Variants in MYOF observed in about 807,000 individuals in gnomAD.
MYOF encodes myoferlin, also known as fer-1-like 3, myoferlin.
MYOF carries 244 observed loss-of-function variants against 284.2 expected under a neutral mutation model. The observed-to-expected ratio is 0.86, with a 90% CI of 0.77 to 0.95. The LOEUF (loss-of-function observed/expected upper bound fraction) is 0.95. MYOF is among the 40% of genes least tolerant of loss of function. The probability of loss-of-function intolerance (pLI) is 0.00; values close to 1 mark genes in which losing one functional copy is unlikely to be tolerated. For missense variants in MYOF, 2,496 were observed against 2,560.6 expected, an observed-to-expected ratio of 0.97 and a Z score of 0.54; for synonymous variants, 904 against 919.7, an observed-to-expected ratio of 0.98 and a Z score of 0.31.
intron 5 of MYOF, among the ~76,000 whole-genome samples, chr10:93,423,650 G>A (rs1477801479): frequency 1.3e-5 from 2 of 150,800 alleles, no homozygotes; most frequent in South Asian, 2.1e-4. Context: ...TGGCTAACAC[G>A]GTGAAACCCT....
chr10:93,408,673 T>C (rs747325477), intron 7 of MYOF, 114 bp downstream of exon 7: 1 of 1,418,652 alleles, frequency 7.0e-7, no homozygotes, highest in Non-Finnish European at 9.7e-7. Context: ...CACCTAGTTT[T>C]GTTCCTGTGA....
intron 9 of MYOF, among the ~76,000 whole-genome samples, chr10:93,403,577 C>G (rs978646448): frequency 6.6e-6 from 1 of 152,170 alleles, no homozygotes; most frequent in Non-Finnish European, 1.5e-5. Flanking sequence ...AGAAGCCAAC[C>G]AAGTATTTGT....
At chr10:93,457,135 C>T (rs895251803) in intron 1 of MYOF, among the ~76,000 whole-genome samples, 198 bp from the exon 2 acceptor site, 1 of 152,204 alleles carries the variant, frequency 6.6e-6, no homozygotes, top group African/African-American at 2.4e-5. Flanking sequence ...GTTTTCCCAT[C>T]TCCAGGTCTA....
intron 30 of MYOF, 85 bp from the exon 31 acceptor site, chr10:93,355,821 A>C: frequency 4.4e-6 from 4 of 918,138 alleles, no homozygotes; most frequent in South Asian, 1.6e-5. Flanking sequence ...GGCAAGAATA[A>C]CAAATGGAAT....
chr10:93,392,810 G>C, intron 17 of MYOF, 107 bp downstream of exon 17: 1 of 1,024,642 alleles, frequency 9.8e-7, no homozygotes, highest in South Asian at 1.4e-5. Flanking sequence ...AAACTATGTT[G>C]AGACAGCAAA....
chr10:93,311,828 A>G (rs1205580335), intron 51 of MYOF, among the ~76,000 whole-genome samples: 2 of 152,180 alleles, frequency 1.3e-5, no homozygotes, highest in Non-Finnish European at 2.9e-5. Context: ...TGGAATCGCT[A>G]AAGTGGGGAC....
rs1057018762 is a variant in MYOF, at chr10:93,360,072, C to T, written c.2975-94G>A. 1.8e-5 allele frequency: 26 copies of T among 1,455,256 alleles called. No homozygotes were observed. The South Asian group carries it at 3.0e-4, about 17-fold the overall frequency. 90.1% of individuals were successfully genotyped at this position (1,455,256 alleles called of 1,614,324 possible). Reference sequence around the variant, plus strand: ...GAAACATTTGTTCACTCTCCCTGCCCTCAGATGTTCTGTACTATCATGACC... The same window carrying T: ...GAAACATTTGTTCACTCTCCCTGCCTTCAGATGTTCTGTACTATCATGACC... On this transcript the variant is annotated intron_variant, in intron 28 of 53. Transcript: ENST00000359263.
rs750862119 is a variant in MYOF at position 93,325,946 on chromosome 10, G to A, written c.5151C>T (p.His1717=). Residue 1717 remains histidine (H), a synonymous_variant, in exon 46 of 54, where the codon CAC becomes CAT. Coordinates refer to ENST00000359263, the MANE Select transcript of MYOF (RefSeq NM_013451.4). ...GCTCTTCAGGGGCCCCGAGGTGCTGGTGCAGGATTTTGTTGGCTTCTGCAA... is the reference window on the plus strand; with the variant it reads ...GCTCTTCAGGGGCCCCGAGGTGCTGATGCAGGATTTTGTTGGCTTCTGCAA... ...LDEFEANKIL[H]QHLGAPEERL... is the part of the protein sequence containing the mutation. 16 of 1,613,986 alleles carry A rather than the reference G, an allele frequency of 9.9e-6. No individual in the cohort carries two copies. The highest frequency in any genetic ancestry group is 1.4e-5 in the Non-Finnish European group (16 of 1,180,006).
In MYOF at chr10:93,456,873, T is replaced by C. The variant is rs1218371643; in HGVS notation, c.144+9A>G. 3 of 1,597,158 alleles carry C rather than the reference T, an allele frequency of 1.9e-6. No homozygotes were observed. The highest frequency in any genetic ancestry group is 1.7e-5 in the Admixed American group (1 of 57,972). ...TATTAAAACAAAGTTGAAAAAACAA[T>C]GAAGTCACCTCATTCCAGACAGGGT... On this transcript the variant is annotated intron_variant, in intron 2 of 53. Transcript: ENST00000359263.
intron 19 of MYOF, among the ~76,000 whole-genome samples, chr10:93,384,763 ATAAAG>A (rs1264863921): frequency 1.3e-5 from 2 of 152,150 alleles, no homozygotes; most frequent in Admixed American, 6.5e-5. Context: ...ATAAGGTGGT[ATAAAG>A]TAGAGTTTCA....
chr10:93,398,764 G>A (rs760882925), intron 13 of MYOF, among the ~76,000 whole-genome samples: 8 of 152,234 alleles, frequency 5.3e-5, no homozygotes, highest in Admixed American at 3.9e-4. Context: ...TATATGGTTC[G>A]AACACATAAA....
At position 93,329,814 on chromosome 10, in the gene MYOF, T is replaced by C. The variant is rs755157148; in HGVS notation, c.4832A>G (p.Tyr1611Cys). 1.9e-5 allele frequency: 30 copies of C among 1,614,094 alleles called. 1 individual carries two copies. The South Asian group carries it at 3.0e-4, about 16-fold the overall frequency. ...VFGRMYELSC[Y>C]LPQEKDLKIS... ...TTTCAGGTCTTTTTCTTGAGGTAAG[T>C]AGCAGCTCAGTTCGTACATCCTAAA... Residue 1611 changes from tyrosine to cysteine, a missense_variant, in exon 44 of 54, where the codon TAC becomes TGC. By Grantham distance (194) the Tyr-to-Cys change is radical (BLOSUM62 -2). This residue lies in a region of MYOF where 2,436 missense variants were observed against 2,480.7 expected (regional missense o/e 0.98). Transcript: ENST00000359263.
intron 3 of MYOF, among the ~76,000 whole-genome samples, chr10:93,444,130 C>T (rs752555336): frequency 5.9e-5 from 9 of 152,164 alleles, no homozygotes; most frequent in African/African-American, 2.2e-4. Context: ...TTCAGAGAGC[C>T]GAGGTGGACA....
chr10:93,393,126 T>C (rs987461364), intron 16 of MYOF, among the ~76,000 whole-genome samples, 171 bp from the exon 17 acceptor site: 4 of 152,122 alleles, frequency 2.6e-5, no homozygotes, highest in Non-Finnish European at 4.4e-5. Context: ...ACAATTCTCA[T>C]CGGTTAAATG....
At chr10:93,452,255 A>G (rs2056613920) in intron 2 of MYOF, 114 bp from the exon 3 acceptor site, 9 of 756,348 alleles carry the variant, frequency 1.2e-5, no homozygotes, top group Middle Eastern at 2.9e-4. Flanking sequence ...ACCAATGACA[A>G]TCTTTTGAAG....
chr10:93,446,192 C>A (rs1414974521), intron 3 of MYOF, among the ~76,000 whole-genome samples: 1 of 151,438 alleles, frequency 6.6e-6, no homozygotes, highest in Non-Finnish European at 1.5e-5. Flanking sequence ...ACAGAGCTGA[C>A]GCAGGGTCGG....
chr10:93,442,740 G>T (rs2056306320), intron 3 of MYOF, among the ~76,000 whole-genome samples: 1 of 152,174 alleles, frequency 6.6e-6, no homozygotes, highest in Admixed American at 6.5e-5. Context: ...GATAATTATG[G>T]TCACTTTATT....
chr10:93,429,239 C>T (rs899035942), intron 4 of MYOF, among the ~76,000 whole-genome samples: 2 of 152,206 alleles, frequency 1.3e-5, no homozygotes, highest in Admixed American at 6.5e-5. Context: ...CTATGTGTCA[C>T]GCCTGCTTCC....
Position 93,306,842 on chromosome 10 carries a change from T to A in MYOF, c.*121A>T, listed in dbSNP as rs1169116554. The A allele has an allele frequency of 1.9e-6, 2 of 1,034,876 alleles. No homozygotes were observed. The highest frequency in any genetic ancestry group is 2.9e-6 in the Non-Finnish European group (2 of 682,810). 64.1% of individuals were successfully genotyped at this position (1,034,876 alleles called of 1,614,324 possible). A position where few individuals can be genotyped will look rare whatever the true frequency, so the allele number is the denominator to read the frequency against. ...CCCTCTGGGAATCAATGGGGCTCGG[T>A]GACATGGCGTAACCTGCTACTGGGG... On this transcript the variant is annotated 3_prime_UTR_variant, in exon 54 of 54. Transcript: ENST00000359263.
Sources: gnomAD v4.1 joint callset for allele counts (sites outside exome capture counted in the v4.1 genomes callset) on GRCh38, gnomAD v4.1.1 for gene constraint, gnomAD v4.1.1 regional missense constraint, MANE v1.5 for transcripts, NCBI Gene and HGNC (gene_info 2026-07-23, HGNC 2026-07-21) for gene names.